DIS3L2: variants seen among roughly 807,000 people sequenced by gnomAD.
The protein encoded by DIS3L2 is DIS3 like 3'-5' exoribonuclease 2, also known as DIS3-like exonuclease 2.
Under a neutral mutation model 97.5 loss-of-function variants are expected in DIS3L2, and 34 were observed. The observed-to-expected ratio is 0.35, with a 90% CI of 0.27 to 0.46. The LOEUF (loss-of-function observed/expected upper bound fraction) is 0.46. DIS3L2 is among the 20% of genes least tolerant of loss of function. The pLI is 1.00. For missense variants in DIS3L2, 1,038 were observed against 1,146.0 expected, an observed-to-expected ratio of 0.91 and a Z score of 1.36; for synonymous variants, 435 against 445.2, an observed-to-expected ratio of 0.98 and a Z score of 0.29.
intron 9 of DIS3L2, among the ~76,000 whole-genome samples, chr2:232,207,565 T>G (rs1222306513): frequency 3.9e-5 from 6 of 152,196 alleles, no homozygotes; most frequent in African/African-American, 1.4e-4. Flanking sequence ...GCTTCAACCT[T>G]CATGTTGCCT....
intron 1 of DIS3L2, among the ~76,000 whole-genome samples, 190 bp downstream of exon 1, chr2:231,961,955 C>G (rs560305355): frequency 6.6e-6 from 1 of 152,254 alleles, no homozygotes; most frequent in Admixed American, 6.5e-5. Context: ...CCGCATCTCC[C>G]TCAATGTCCC....
At chr2:232,072,892 T>C (rs1411153009) in intron 5 of DIS3L2, among the ~76,000 whole-genome samples, 1 of 151,498 alleles carries the variant, frequency 6.6e-6, no homozygotes, top group Non-Finnish European at 1.5e-5. Context: ...TGATAAGGAC[T>C]GCACAGGGAT....
In DIS3L2 at chr2:231,974,538, A is replaced by AT. The variant is rs1199581844; in HGVS notation, c.-94+12774dup. Among the ~76,000 whole-genome samples the AT allele has an allele frequency of 5.6e-5, 7 of 125,756 alleles. No individual in the cohort carries two copies. In the South Asian group the frequency reaches 9.7e-4, roughly 17 times the overall value. The allele number at this position is 125,756 out of a possible 152,430, so 82.5% of individuals were successfully genotyped here. On this transcript the variant is annotated intron_variant, in intron 1 of 20. Coordinates refer to ENST00000325385, the MANE Select transcript of DIS3L2 (RefSeq NM_152383.5). ...TTTTATCTCTAGAAGTTTAATTTGG[A>AT]TCTTTTTTTTTTTTTTTAATATCCC... is the stretch of plus-strand genomic sequence containing the variant.
In DIS3L2 at chr2:232,066,260, G is replaced by C. The variant is rs1172702562; in HGVS notation, c.367-21227G>C. 2.0e-5 allele frequency among the ~76,000 whole-genome samples: 3 copies of C among 151,964 alleles called. No homozygotes were observed. In the East Asian group the frequency reaches 5.8e-4, roughly 29 times the overall value. The stretch of plus-strand genomic sequence containing the variant: ...TCTATCTTTCTCATTAATTATGTTA[G>C]TTTTAGGTTTTTCATAGATGCCCTT... On this transcript the variant is annotated intron_variant, in intron 5 of 20. Transcript: ENST00000325385.
intron 11 of DIS3L2, among the ~76,000 whole-genome samples, chr2:232,248,702 T>C (rs1693332786): frequency 6.6e-6 from 1 of 152,250 alleles, no homozygotes; most frequent in African/African-American, 2.4e-5. Flanking sequence ...AACCTGGATG[T>C]ATGATCCTTT....
chr2:232,247,249 G>A (rs1349500147), intron 11 of DIS3L2, among the ~76,000 whole-genome samples: 1 of 152,186 alleles, frequency 6.6e-6, no homozygotes, highest in Non-Finnish European at 1.5e-5. Flanking sequence ...ACACAAGAAT[G>A]CATACCCAGC....
At chr2:232,199,570 C>A (rs1425575369) in intron 9 of DIS3L2, among the ~76,000 whole-genome samples, 1 of 151,894 alleles carries the variant, frequency 6.6e-6, no homozygotes. Context: ...TGATTCTGGT[C>A]CCTGAACTGA....
intron 10 of DIS3L2, among the ~76,000 whole-genome samples, chr2:232,216,527 G>A (rs1692339148): frequency 6.6e-6 from 1 of 151,872 alleles, no homozygotes; most frequent in Non-Finnish European, 1.5e-5. Context: ...CACCTTCTCC[G>A]TGAAGCCTCC....
intron 10 of DIS3L2, among the ~76,000 whole-genome samples, chr2:232,236,554 G>A (rs982300369): frequency 3.3e-5 from 5 of 152,094 alleles, no homozygotes; most frequent in Admixed American, 3.3e-4. Flanking sequence ...TAGCATAGAT[G>A]TTTCCTGGCA....
At chr2:232,255,357 C>T (rs748600481) in intron 12 of DIS3L2, among the ~76,000 whole-genome samples, 9 of 152,214 alleles carry the variant, frequency 5.9e-5, no homozygotes, top group Non-Finnish European at 1.3e-4. Flanking sequence ...GCTGCGTAGC[C>T]ACCAGTCTCA....
intron 3 of DIS3L2, among the ~76,000 whole-genome samples, chr2:232,017,450 C>T (rs115979687): frequency 0.011 from 1,712 of 152,266 alleles, 19 homozygotes; most frequent in Non-Finnish European, 0.016. Context: ...TTGACAAGGC[C>T]TCTCTTAGGA....
intron 5 of DIS3L2, among the ~76,000 whole-genome samples, chr2:232,062,923 C>T (rs1695753016): frequency 6.6e-6 from 1 of 152,086 alleles, no homozygotes; most frequent in Non-Finnish European, 1.5e-5. Flanking sequence ...AACACAACAC[C>T]ATAGGGTTTG....
chr2:232,224,283 G>C (rs540372446), intron 10 of DIS3L2, among the ~76,000 whole-genome samples: 1 of 152,282 alleles, frequency 6.6e-6, no homozygotes, highest in Admixed American at 6.5e-5. Context: ...GTACTAGACT[G>C]GTTGGATATC....
chr2:232,331,507 A>ACACTT (rs1287742767), intron 16 of DIS3L2, among the ~76,000 whole-genome samples: 4 of 152,166 alleles, frequency 2.6e-5, no homozygotes, highest in Non-Finnish European at 5.9e-5. Context: ...TTATTTTCTG[A>ACACTT]CACTTCAAGC....
intron 5 of DIS3L2, among the ~76,000 whole-genome samples, chr2:232,048,005 A>G (rs774216914): frequency 3.3e-5 from 5 of 152,258 alleles, no homozygotes; most frequent in East Asian, 3.9e-4. Flanking sequence ...CTTTCTGGCT[A>G]TTATGCTGTT....
At position 232,003,384 on chromosome 2, in the gene DIS3L2, A is replaced by T. The variant is rs114765257; in HGVS notation, c.-93-11451A>T. Among the ~76,000 whole-genome samples the T allele has an allele frequency of 3.9e-3, 587 of 152,006 alleles. 1 individual carries two copies. Among genetic ancestry groups the T allele is most frequent in the Admixed American group, 0.011 (161 of 15,258 alleles). ...AGCTTCATAAGAAAAAATACAGGAA[A>T]TTTTTTTTGGCCTGCTATTTTGAAA... is the stretch of plus-strand genomic sequence containing the variant. On this transcript the variant is annotated intron_variant, in intron 1 of 20. Coordinates refer to ENST00000325385, the MANE Select transcript of DIS3L2 (RefSeq NM_152383.5).
Position 232,263,981 on chromosome 2 carries a change from G to A in DIS3L2, c.1659+541G>A, listed in dbSNP as rs554445652. ...AGAACTGAGGAGACTGTAGAACAGCGGTCCCATTGTTTTGGGCACCAGGGC... is the reference window on the plus strand; with the variant it reads ...AGAACTGAGGAGACTGTAGAACAGCAGTCCCATTGTTTTGGGCACCAGGGC... On this transcript the variant is annotated intron_variant, in intron 13 of 20. Transcript: ENST00000325385. Among the ~76,000 whole-genome samples the A allele has an allele frequency of 1.7e-3, 263 of 152,302 alleles. 2 individuals are homozygous for A. The highest frequency in any genetic ancestry group is 6.1e-3 in the African/African-American group (255 of 41,552).
intron 6 of DIS3L2, among the ~76,000 whole-genome samples, chr2:232,098,906 C>T (rs1404341701): frequency 6.6e-6 from 1 of 152,086 alleles, no homozygotes; most frequent in African/African-American, 2.4e-5. Context: ...AGTTGTCATA[C>T]ACTTTATGGG....
Position 232,216,646 on chromosome 2 carries a change from C to A in DIS3L2, c.1204+6241C>A, listed in dbSNP as rs145423347. On this transcript the variant is annotated intron_variant, in intron 10 of 20. Transcript: ENST00000325385. Reference sequence around the variant, plus strand: ...AACATAGGTCAAAGGTGGCTTTTTTCTTTGCTTTTAAGATGCAAGATATTT... The same window carrying A: ...AACATAGGTCAAAGGTGGCTTTTTTATTTGCTTTTAAGATGCAAGATATTT... Among the ~76,000 whole-genome samples, 5 of 152,018 alleles carry A rather than the reference C, an allele frequency of 3.3e-5. No individual in the cohort carries two copies. In the East Asian group the frequency reaches 9.6e-4, roughly 29 times the overall value.
Sources: gnomAD v4.1 joint callset for allele counts (sites outside exome capture counted in the v4.1 genomes callset) on GRCh38, gnomAD v4.1.1 for gene constraint, MANE v1.5 for transcripts, NCBI Gene and HGNC (gene_info 2026-07-23, HGNC 2026-07-21) for gene names.